ANKRD44: variants seen among roughly 807,000 people sequenced by gnomAD.
The protein encoded by ANKRD44 is serine/threonine-protein phosphatase 6 regulatory ankyrin repeat subunit B.
Under a neutral mutation model 116.0 loss-of-function variants are expected in ANKRD44, and 35 were observed. The ratio of observed to expected loss-of-function variants is 0.30; its 90% confidence interval spans 0.23 to 0.40. The LOEUF is 0.40. Ranked by LOEUF, ANKRD44 falls within the 10% of genes least tolerant of loss-of-function variation. The pLI, the probability that ANKRD44 is intolerant of heterozygous loss-of-function variation, is 1.00. For missense variants in ANKRD44, 1,014 were observed against 1,242.6 expected (o/e 0.82, Z 2.77); for synonymous variants, 435 against 461.8 (o/e 0.94, Z 0.74).
At chr2:197,117,106 T>C (rs558682005) in intron 8 of ANKRD44, among the ~76,000 whole-genome samples, 1 of 152,322 alleles carries the variant, frequency 6.6e-6, no homozygotes, top group South Asian at 2.1e-4. Context: ...TATGATTATA[T>C]AGATACTAAA....
chr2:197,278,502 A>G lies in ANKRD44; in HGVS notation c.27+32076T>C, dbSNP rs112224028. 3.6e-3 allele frequency among the ~76,000 whole-genome samples: 544 copies of G among 151,982 alleles called. 1 individual carries two copies. Among genetic ancestry groups the G allele is most frequent in the African/African-American group, 0.011 (449 of 41,358 alleles). ...CTCCCGAGTAGCTGGGACTACAGGCACGCACCACCACGCCCGGTTAATTTT... is the reference window on the plus strand; with the variant it reads ...CTCCCGAGTAGCTGGGACTACAGGCGCGCACCACCACGCCCGGTTAATTTT... On this transcript the variant is annotated intron_variant, in intron 1 of 27. Transcript: ENST00000282272.
intron 1 of ANKRD44, among the ~76,000 whole-genome samples, chr2:197,278,850 T>C (rs2083181074): frequency 6.6e-6 from 1 of 152,206 alleles, no homozygotes; most frequent in Non-Finnish European, 1.5e-5. Flanking sequence ...TTTGGAAACA[T>C]TTGGAGCAGA....
chr2:197,306,403 T>C (rs977763637), intron 1 of ANKRD44, among the ~76,000 whole-genome samples: 4 of 152,178 alleles, frequency 2.6e-5, no homozygotes, highest in Admixed American at 1.3e-4. Flanking sequence ...TACCTCCTAG[T>C]GTGGCTATGA....
At chr2:197,253,569 T>C (rs2082370992) in intron 1 of ANKRD44, among the ~76,000 whole-genome samples, 1 of 152,206 alleles carries the variant, frequency 6.6e-6, no homozygotes, top group African/African-American at 2.4e-5. Flanking sequence ...TGCATATATA[T>C]GTAGAATATA....
Position 197,013,464 on chromosome 2 carries a change from C to A in ANKRD44, c.1924+47G>T, listed in dbSNP as rs761642349. The A allele has an allele frequency of 2.5e-6, 4 of 1,584,612 alleles. No individual in the cohort carries two copies. In the East Asian group the frequency reaches 6.7e-5, roughly 27 times the overall value. ...GCTGCTTTCCTTCTATTAAAACTTA[C>A]GAACAAGCCACAAAACTAGGGTAAT... On this transcript the variant is annotated intron_variant, in intron 18 of 27. Transcript: ENST00000282272.
intron 21 of ANKRD44, among the ~76,000 whole-genome samples, chr2:196,968,890 C>T (rs527714801): frequency 6.6e-6 from 1 of 152,202 alleles, no homozygotes; most frequent in Non-Finnish European, 1.5e-5. Context: ...CTCTCATCTG[C>T]TGGCCTGGCT....
At chr2:197,296,688 A>G (rs747311116) in intron 1 of ANKRD44, 3 of 152,136 alleles carry the variant, frequency 2.0e-5, no homozygotes, top group Admixed American at 1.3e-4. Flanking sequence ...TTTGCCCTAC[A>G]TCTCAACCAA....
chr2:197,156,071 G>A (rs1393932310), intron 2 of ANKRD44, among the ~76,000 whole-genome samples: 1 of 152,236 alleles, frequency 6.6e-6, no homozygotes, highest in Non-Finnish European at 1.5e-5. Context: ...ACCGGGCCGG[G>A]CGTGGTGGCT....
intron 1 of ANKRD44, among the ~76,000 whole-genome samples, chr2:197,284,543 T>C (rs6734747): frequency 5.4e-4 from 39 of 71,776 alleles, no homozygotes; most frequent in South Asian, 3.1e-3. Context: ...CACACACACA[T>C]AATTTGTGTG....
At chr2:197,247,239 G>T (rs1004410524) in intron 1 of ANKRD44, among the ~76,000 whole-genome samples, 4 of 152,180 alleles carry the variant, frequency 2.6e-5, no homozygotes, top group African/African-American at 9.7e-5. Context: ...GATCGCACGA[G>T]AACTTATTAG....
chr2:197,198,006 G>T (rs2080999532), intron 1 of ANKRD44: 1 of 152,314 alleles, frequency 6.6e-6, no homozygotes, highest in Non-Finnish European at 1.5e-5. Context: ...GAGAGAAATT[G>T]TACCTGGCCT....
intron 1 of ANKRD44, among the ~76,000 whole-genome samples, chr2:197,229,898 C>T (rs2081815953): frequency 6.6e-6 from 1 of 152,134 alleles, no homozygotes; most frequent in South Asian, 2.1e-4. Context: ...CTCCCTTGTG[C>T]TTATCCATAT....
chr2:197,204,309 G>A (rs1333463750), intron 1 of ANKRD44, among the ~76,000 whole-genome samples: 2 of 151,978 alleles, frequency 1.3e-5, no homozygotes, highest in African/African-American at 2.4e-5. Flanking sequence ...AGGGTTATTG[G>A]CAGATACACT....
chr2:197,117,083 C>T (rs948550957), intron 8 of ANKRD44, among the ~76,000 whole-genome samples: 1 of 152,058 alleles, frequency 6.6e-6, no homozygotes, highest in Non-Finnish European at 1.5e-5. Context: ...CTGAGACACA[C>T]AAAGAGCTTG....
chr2:197,027,181 C>T (rs1044472428), intron 16 of ANKRD44, among the ~76,000 whole-genome samples: 6 of 151,918 alleles, frequency 3.9e-5, no homozygotes, highest in South Asian at 2.1e-4. Context: ...GGCAAGATGG[C>T]GAAACCCCAT....
intron 3 of ANKRD44, among the ~76,000 whole-genome samples, chr2:197,137,434 A>G (rs1431764418): frequency 6.6e-6 from 1 of 152,206 alleles, no homozygotes; most frequent in Non-Finnish European, 1.5e-5. Flanking sequence ...AAGGGCTGAG[A>G]AAGTGAGTCA....
intron 1 of ANKRD44, among the ~76,000 whole-genome samples, chr2:197,210,915 G>C (rs1290092147): frequency 6.6e-6 from 1 of 152,140 alleles, no homozygotes; most frequent in East Asian, 1.9e-4. Flanking sequence ...ATTGGAGAGG[G>C]GGTGTCTAGA....
At chr2:197,169,428 G>A (rs1401086979) in intron 2 of ANKRD44, among the ~76,000 whole-genome samples, 1 of 152,120 alleles carries the variant, frequency 6.6e-6, no homozygotes, top group Non-Finnish European at 1.5e-5. Context: ...CCTGATGCAA[G>A]GACCAGGCCT....
chr2:197,026,703 T>TA (rs1000565838), intron 16 of ANKRD44, among the ~76,000 whole-genome samples: 2 of 152,100 alleles, frequency 1.3e-5, no homozygotes, highest in Non-Finnish European at 2.9e-5. Flanking sequence ...GCAGAGGAGT[T>TA]ACATGATCTG....
Sources: allele counts gnomAD v4.1 joint callset (sites outside exome capture counted in the v4.1 genomes callset), GRCh38; gene constraint gnomAD v4.1.1; transcripts MANE v1.5; gene names NCBI Gene and HGNC (gene_info 2026-07-23, HGNC 2026-07-21).